The following CHIA variants were observed in gnomAD, a reference collection of about 807,000 sequenced individuals.
CHIA encodes acidic mammalian chitinase.
CHIA carries 47 observed loss-of-function variants against 53.5 expected under a neutral mutation model. That is an observed-to-expected ratio of 0.88 (90% CI 0.70 to 1.12). CHIA has a LOEUF of 1.12. CHIA is among the 50% of genes most tolerant of loss of function. The pLI is 0.00. For synonymous variants in CHIA, 268 were observed against 222.2 expected, an observed-to-expected ratio of 1.21 and a Z score of -1.83; for missense variants, 652 against 592.2, an observed-to-expected ratio of 1.10 and a Z score of -1.05.
chr1:111,294,881 A>G (rs1419133963), intron 1 of CHIA, among the ~76,000 whole-genome samples: 1 of 152,176 alleles, frequency 6.6e-6, no homozygotes, highest in African/African-American at 2.4e-5. Flanking sequence ...TCAATGAATA[A>G]ATCCCTCGTG....
chr1:111,319,392 C>T lies in CHIA; in HGVS notation c.1101C>T (p.Phe367=). ...TCTGGGCCATTGATCTGGATGACTTCACTGGCACTTTCTGCAACCAGGGCA... is the reference window on the plus strand; with the variant it reads ...TCTGGGCCATTGATCTGGATGACTTTACTGGCACTTTCTGCAACCAGGGCA... ...AMVWAIDLDD[F]TGTFCNQGKF... The change falls in exon 11 of 12, where the codon TTC becomes TTT. Residue 367 remains phenylalanine, a synonymous_variant. Coordinates refer to ENST00000369740, the MANE Select transcript of CHIA (RefSeq NM_201653.4). The T allele has an allele frequency of 1.2e-6, 2 of 1,614,146 alleles. No individual in the cohort carries two copies. Among genetic ancestry groups the T allele is most frequent in the Non-Finnish European group, 1.7e-6 (2 of 1,179,990 alleles).
In CHIA at chr1:111,312,323, C is replaced by G. The variant is rs759202544; in HGVS notation, c.189C>G (p.Asn63Lys). ...TCTACGCCTTTGCTGGGAGGCAGAA[C>G]AACGAGATCACCACCATCGAATGGA... Reference protein sequence around the residue: ...HLIYAFAGRQNNEITTIEWND... With the variant: ...HLIYAFAGRQKNEITTIEWND... The change falls in exon 4 of 12, where the codon AAC (asparagine) becomes AAG (lysine). Residue 63 changes from asparagine to lysine, a missense_variant. Coordinates refer to ENST00000369740, the MANE Select transcript of CHIA (RefSeq NM_201653.4). The G allele has an allele frequency of 1.1e-5, 17 of 1,614,026 alleles. No homozygotes were observed. Among genetic ancestry groups the G allele is most frequent in the Non-Finnish European group, 1.2e-5 (14 of 1,179,992 alleles).
chr1:111,320,155 G>T, intron 11 of CHIA, 58 bp from the exon 12 acceptor site: 1 of 1,534,232 alleles, frequency 6.5e-7, no homozygotes, highest in Non-Finnish European at 8.9e-7. Flanking sequence ...TCACCTCTAG[G>T]TGAAGCTTAG....
At chr1:111,291,254 AC>A (rs1660996935) in intron 1 of CHIA, among the ~76,000 whole-genome samples, 1 of 152,198 alleles carries the variant, frequency 6.6e-6, no homozygotes, top group African/African-American at 2.4e-5. Context: ...AAGACATGGA[AC>A]CAACTCAAAT....
chr1:111,301,110 GA>G (rs1647686172), intron 1 of CHIA, among the ~76,000 whole-genome samples: 2 of 152,176 alleles, frequency 1.3e-5, no homozygotes, highest in African/African-American at 4.8e-5. Context: ...GGAGAAGTAG[GA>G]ACACTTTTAC....
chr1:111,311,837 T>A lies in CHIA; in HGVS notation c.55+119T>A, dbSNP rs1194502478. 1.1e-5 allele frequency: 12 copies of A among 1,048,684 alleles called. No homozygotes were observed. The Admixed American group carries it at 1.9e-4, about 17-fold the overall frequency. The allele number at this position is 1,048,684 out of a possible 1,614,324, so 65.0% of individuals were successfully genotyped here. On this transcript the variant is annotated intron_variant, in intron 3 of 11. Transcript: ENST00000369740. ...TGGGTTTGATTTGGGAGTAATCTAGTGTTTTGGATTGGCTGTCACTGCTAT... is the reference window on the plus strand; with the variant it reads ...TGGGTTTGATTTGGGAGTAATCTAGAGTTTTGGATTGGCTGTCACTGCTAT...
chr1:111,298,013 G>A (rs1157823702), intron 1 of CHIA, among the ~76,000 whole-genome samples: 1 of 151,066 alleles, frequency 6.6e-6, no homozygotes, highest in Non-Finnish European at 1.5e-5. Context: ...TTACATAATG[G>A]TAAAGGGATC....
intron 1 of CHIA, among the ~76,000 whole-genome samples, chr1:111,303,532 G>A (rs1254814226): frequency 6.6e-6 from 1 of 151,154 alleles, no homozygotes; most frequent in Non-Finnish European, 1.5e-5. Context: ...CTTCCCCATT[G>A]GTTACAATGG....
At chr1:111,312,100 AG>A in intron 3 of CHIA, 89 bp from the exon 4 acceptor site, 2 of 967,736 alleles carry the variant, frequency 2.1e-6, no homozygotes, top group Non-Finnish European at 1.7e-6. Flanking sequence ...TCTGAGGCAC[AG>A]GGAGGGAAAC....
chr1:111,313,738 T>G (rs1293785737), intron 4 of CHIA, among the ~76,000 whole-genome samples: 1 of 152,186 alleles, frequency 6.6e-6, no homozygotes, highest in Admixed American at 6.5e-5. Context: ...GGAGCTTTTT[T>G]TTAAGGTTTT....
At chr1:111,316,859 A>C (rs1281994573) in intron 6 of CHIA, 1 of 152,188 alleles carries the variant, frequency 6.6e-6, no homozygotes, top group African/African-American at 2.4e-5. Flanking sequence ...TACTTGTTGA[A>C]TTGCCCTAAT....
chr1:111,306,749 A>G (rs1414894744), intron 1 of CHIA, among the ~76,000 whole-genome samples: 1 of 152,224 alleles, frequency 6.6e-6, no homozygotes, highest in Non-Finnish European at 1.5e-5. Flanking sequence ...TATAAAAATT[A>G]ATAAACTTGT....
rs771319175 is a variant in CHIA at position 111,318,096 on chromosome 1, C to T, written c.716C>T (p.Ala239Val). 5.6e-6 allele frequency: 9 copies of T among 1,612,544 alleles called. No homozygotes were observed. The change falls in exon 8 of 12, where the codon GCC becomes GTC. Residue 239 changes from alanine to valine, a missense_variant. Physicochemically the swap from Ala to Val is moderately conservative, Grantham distance 64. Transcript: ENST00000369740. ...YKYPTDTGSN[A>V]YLNVDYVMNY... ...TACCCGACTGACACCGGCAGCAACG[C>T]CTACCTCAATGTGGTGAGTCCCTGT...
intron 1 of CHIA, among the ~76,000 whole-genome samples, chr1:111,305,338 GC>G (rs1648092272): frequency 6.6e-6 from 1 of 152,172 alleles, no homozygotes; most frequent in African/African-American, 2.4e-5. Flanking sequence ...GAAGTAGCTT[GC>G]AACAATGGGG....
chr1:111,315,349 T>A lies in CHIA; in HGVS notation c.394T>A (p.Phe132Ile). 6.2e-7 allele frequency: 1 copy of A among 1,613,976 alleles called. No homozygotes were observed. Among genetic ancestry groups the A allele is most frequent in the Non-Finnish European group, 8.5e-7 (1 of 1,179,984 alleles). The change falls in exon 6 of 12, where the codon TTT becomes ATT. Residue 132 changes from phenylalanine to isoleucine, a missense_variant. Transcript: ENST00000369740. ...SVIKFLRQYE[F>I]DGLDFDWEYP... ...CATCAAATTCCTGCGCCAGTATGAG[T>A]TTGACGGGCTGGACTTTGACTGGGA... is the stretch of plus-strand genomic sequence containing the variant.
intron 1 of CHIA, among the ~76,000 whole-genome samples, chr1:111,307,427 T>C (rs1456360521): frequency 6.6e-6 from 1 of 152,174 alleles, no homozygotes; most frequent in African/African-American, 2.4e-5. Context: ...AAAGTGATTA[T>C]AATAAGTGAA....
At chr1:111,300,475 A>G (rs913725293) in intron 1 of CHIA, among the ~76,000 whole-genome samples, 4 of 152,258 alleles carry the variant, frequency 2.6e-5, no homozygotes, top group African/African-American at 9.6e-5. Context: ...AAAACAAGAA[A>G]TGGTGAAAGG....
chr1:111,310,467 C>T lies in CHIA; in HGVS notation c.-1C>T. ...CTGCGGGACTGGTGCTGACTGCAAC[C>T]ATGACAAAGCTTATTCTCCTCACAG... is the stretch of plus-strand genomic sequence containing the variant. On this transcript the variant is annotated 5_prime_UTR_variant, in exon 2 of 12. Coordinates refer to ENST00000369740, the MANE Select transcript of CHIA (RefSeq NM_201653.4). The T allele has an allele frequency of 1.2e-6, 2 of 1,614,148 alleles. No homozygotes were observed. Among genetic ancestry groups the T allele is most frequent in the Non-Finnish European group, 1.7e-6 (2 of 1,180,018 alleles).
In CHIA at chr1:111,320,220, G is replaced by T. The variant is rs372590829; in HGVS notation, c.1185G>T (p.Thr395=). 2 of 1,613,256 alleles carry T rather than the reference G, an allele frequency of 1.2e-6. No individual in the cohort carries two copies. Among genetic ancestry groups the T allele is most frequent in the Non-Finnish European group, 1.7e-6 (2 of 1,179,700 alleles). The change falls in exon 12 of 12, where the codon ACG becomes ACT. Residue 395 remains threonine (T), a synonymous_variant. Coordinates refer to ENST00000369740, the MANE Select transcript of CHIA (RefSeq NM_201653.4). ...KALGLQSASC[T]APAQPIEPIT... is the part of the protein sequence containing the mutation. ...TACTGCTGTATGTTTCAGGTTGCAC[G>T]GCTCCAGCTCAGCCCATTGAGCCAA... is the stretch of plus-strand genomic sequence containing the variant.
Sources: gnomAD v4.1 joint callset for allele counts (sites outside exome capture counted in the v4.1 genomes callset) on GRCh38, gnomAD v4.1.1 for gene constraint, MANE v1.5 for transcripts, NCBI Gene and HGNC (gene_info 2026-07-23, HGNC 2026-07-21) for gene names.